PID1: variants seen among roughly 807,000 people sequenced by gnomAD.
PID1 encodes PTB-containing, cubilin and LRP1-interacting protein.
In PID1, 10 loss-of-function variants were observed where a neutral mutation model predicts 19.1. That is an observed-to-expected ratio of 0.52 (90% CI 0.32 to 0.89). PID1 has a LOEUF of 0.89. Among genes scored for constraint, PID1 ranks in the 40% least tolerant of loss-of-function variants. PID1 has a pLI of 0.03. For synonymous variants in PID1, 130 were observed against 116.0 expected, an observed-to-expected ratio of 1.12 and a Z score of -0.78; for missense variants, 248 against 285.3, an observed-to-expected ratio of 0.87 and a Z score of 0.94.
intron 1 of PID1, among the ~76,000 whole-genome samples, chr2:229,201,917 G>A (rs1268830525): frequency 6.6e-6 from 1 of 151,570 alleles, no homozygotes; most frequent in Non-Finnish European, 1.5e-5. Flanking sequence ...TTTCTTTCTG[G>A]CTGTGAAGAT....
chr2:229,085,073 A>G (rs1372949990), intron 2 of PID1, among the ~76,000 whole-genome samples: 2 of 152,280 alleles, frequency 1.3e-5, no homozygotes, highest in African/African-American at 4.8e-5. Context: ...AACTAGGAAA[A>G]TGATACAAGA....
chr2:229,155,238 CAG>C (rs755560141), intron 2 of PID1, among the ~76,000 whole-genome samples: 99 of 152,236 alleles, frequency 6.5e-4, no homozygotes, highest in Non-Finnish European at 1.2e-3. Flanking sequence ...ACAGAAATCA[CAG>C]AGAGAATACA....
At chr2:229,131,154 G>T (rs1353811098) in intron 2 of PID1, among the ~76,000 whole-genome samples, 3 of 152,132 alleles carry the variant, frequency 2.0e-5, no homozygotes, top group African/African-American at 7.2e-5. Flanking sequence ...TCACGATACA[G>T]CCTATAACAT....
intron 1 of PID1, among the ~76,000 whole-genome samples, chr2:229,171,106 A>G (rs1690703641): frequency 6.6e-6 from 1 of 152,238 alleles, no homozygotes; most frequent in Non-Finnish European, 1.5e-5. Context: ...TACCCCGCTC[A>G]TCGGAACATA....
At chr2:229,065,897 G>A (rs1031805294) in intron 2 of PID1, among the ~76,000 whole-genome samples, 2 of 152,038 alleles carry the variant, frequency 1.3e-5, no homozygotes, top group South Asian at 4.1e-4. Flanking sequence ...TAATTTGTAT[G>A]CTTGACATTA....
chr2:229,187,130 G>A (rs555403531), intron 1 of PID1, among the ~76,000 whole-genome samples: 64 of 152,220 alleles, frequency 4.2e-4, no homozygotes, highest in Middle Eastern at 3.4e-3. Flanking sequence ...ATCACTATCC[G>A]CATTTTTGTC....
At chr2:229,163,650 A>T (rs5020856) in intron 1 of PID1, among the ~76,000 whole-genome samples, 37,163 of 140,656 alleles carry the variant, frequency 0.26, 5,616 homozygotes, top group East Asian at 0.65. Flanking sequence ...AGAGAGAGAG[A>T]GTGTGTGTGT....
chr2:229,063,889 G>A (rs891355621), intron 2 of PID1, among the ~76,000 whole-genome samples: 6 of 151,810 alleles, frequency 4.0e-5, no homozygotes, highest in Non-Finnish European at 8.8e-5. Flanking sequence ...AACCTTCTTT[G>A]TCTCTTTTTA....
intron 2 of PID1, among the ~76,000 whole-genome samples, chr2:229,075,582 G>A (rs929805427): frequency 1.3e-5 from 2 of 152,170 alleles, no homozygotes; most frequent in Admixed American, 1.3e-4. Flanking sequence ...TTGCAATCAA[G>A]ATGGCCACAT....
intron 2 of PID1, among the ~76,000 whole-genome samples, chr2:229,052,104 C>A (rs1217169101): frequency 6.6e-6 from 1 of 152,126 alleles, no homozygotes; most frequent in African/African-American, 2.4e-5. Context: ...TGACGCCCTC[C>A]ACTTCTCTAT....
intron 2 of PID1, among the ~76,000 whole-genome samples, chr2:229,041,021 A>T (rs1693760610): frequency 6.6e-6 from 1 of 152,208 alleles, no homozygotes. Context: ...ATATGTAGAC[A>T]CTGACATCAA....
chr2:229,151,130 A>G (rs1690242479), intron 2 of PID1, among the ~76,000 whole-genome samples: 1 of 152,040 alleles, frequency 6.6e-6, no homozygotes, highest in Admixed American at 6.5e-5. Flanking sequence ...TTAATTTTGT[A>G]TAGTCCATGA....
intron 1 of PID1, among the ~76,000 whole-genome samples, chr2:229,196,998 A>G (rs1317135956): frequency 1.3e-5 from 2 of 152,054 alleles, no homozygotes; most frequent in Admixed American, 6.6e-5. Flanking sequence ...TCAACTGTAG[A>G]ACACAAGGCA....
intron 1 of PID1, among the ~76,000 whole-genome samples, chr2:229,204,845 A>G (rs138515557): frequency 9.2e-5 from 14 of 152,006 alleles, no homozygotes; most frequent in African/African-American, 3.1e-4. Context: ...ACGAATATAT[A>G]TTTTTTCCTG....
rs35968488 is a variant in PID1 at position 229,029,839 on chromosome 2, CA to C, written c.178-3732del. 3.5e-3 allele frequency among the ~76,000 whole-genome samples: 397 copies of C among 114,140 alleles called. 3 individuals are homozygous for C. The East Asian group carries it at 0.061, about 18-fold the overall frequency. 74.9% of individuals were successfully genotyped at this position (114,140 alleles called of 152,430 possible). A position where few individuals can be genotyped will look rare whatever the true frequency, so the allele number is the denominator to read the frequency against. On this transcript the variant is annotated intron_variant, in intron 2 of 2. Coordinates refer to ENST00000392055, the MANE Select transcript of PID1 (RefSeq NM_001100818.2). Reference sequence around the variant, plus strand: ...TGGGTGACAGAGTGACACTCCGTCTCAAAAAAAAAAAAAAACAATTAAAAGT... The same window carrying C: ...TGGGTGACAGAGTGACACTCCGTCTCAAAAAAAAAAAAAACAATTAAAAGT...
intron 1 of PID1, among the ~76,000 whole-genome samples, chr2:229,189,481 A>G (rs976456): frequency 1 from 152,076 of 152,346 alleles, 75,905 homozygotes; most frequent in Non-Finnish European, 1. Context: ...GATCACCCGA[A>G]GACAGGAGTT....
chr2:229,228,898 G>A (rs1692141410), intron 1 of PID1, among the ~76,000 whole-genome samples: 1 of 152,184 alleles, frequency 6.6e-6, no homozygotes, highest in Non-Finnish European at 1.5e-5. Flanking sequence ...GAAAAATACA[G>A]TTCTCCCTGA....
chr2:229,084,150 A>G lies in PID1; in HGVS notation c.178-58042T>C, dbSNP rs941397144. ...GGTTGCTTCAAGCAAGCTCTAAACT[A>G]GAACTATACACGAGGAGGTACTCTG... On this transcript the variant is annotated intron_variant, in intron 2 of 2. Coordinates refer to ENST00000392055, the MANE Select transcript of PID1 (RefSeq NM_001100818.2). 2.6e-5 allele frequency among the ~76,000 whole-genome samples: 4 copies of G among 152,306 alleles called. No individual in the cohort carries two copies. The East Asian group carries it at 7.7e-4, about 29-fold the overall frequency.
chr2:229,166,673 A>G (rs1690604226), intron 1 of PID1, among the ~76,000 whole-genome samples: 1 of 152,126 alleles, frequency 6.6e-6, no homozygotes, highest in African/African-American at 2.4e-5. Flanking sequence ...TGTTGCATTG[A>G]TATTACTCCC....
Sources: gnomAD v4.1 joint callset for allele counts (sites outside exome capture counted in the v4.1 genomes callset) on GRCh38, gnomAD v4.1.1 for gene constraint, MANE v1.5 for transcripts, NCBI Gene and HGNC (gene_info 2026-07-23, HGNC 2026-07-21) for gene names.